SLCO6A1: variants seen among roughly 807,000 people sequenced by gnomAD.
SLCO6A1 encodes solute carrier organic anion transporter family member 6A1.
Under a neutral mutation model 72.7 loss-of-function variants are expected in SLCO6A1, and 65 were observed. The observed-to-expected ratio is 0.89, with a 90% CI of 0.73 to 1.10. The LOEUF (loss-of-function observed/expected upper bound fraction) is 1.10, where lower values mean the gene tolerates loss of function less well. SLCO6A1 is among the 50% of genes least tolerant of loss of function. The pLI, the probability that SLCO6A1 is intolerant of heterozygous loss-of-function variation, is 0.00. For missense variants in SLCO6A1, 874 were observed against 872.6 expected, an observed-to-expected ratio of 1.00 and a Z score of -0.02; for synonymous variants, 314 against 298.2, an observed-to-expected ratio of 1.05 and a Z score of -0.55.
chr5:102,440,366 A>G (rs1749768662), intron 6 of SLCO6A1, among the ~76,000 whole-genome samples: 1 of 152,126 alleles, frequency 6.6e-6, no homozygotes, highest in Admixed American at 6.5e-5. Flanking sequence ...CACAAACCCT[A>G]TTGTGAACTG....
rs754657640 is a variant in SLCO6A1 at position 102,412,965 on chromosome 5, CATA to C, written c.1626+22_1626+24del. 7 of 1,067,330 alleles carry C rather than the reference CATA, an allele frequency of 6.6e-6. No homozygotes were observed. The African/African-American group carries it at 8.4e-5, about 13-fold the overall frequency. The allele number at this position is 1,067,330 out of a possible 1,614,324, so 66.1% of individuals were successfully genotyped here. A position where few individuals can be genotyped will look rare whatever the true frequency, so the allele number is the denominator to read the frequency against. Reference sequence around the variant, plus strand: ...ATGAAAATATAAATGTATAACAAAACATAATAATTATAAAAAATAATTACCTTT... The same window carrying C: ...ATGAAAATATAAATGTATAACAAAACATAATTATAAAAAATAATTACCTTT... On this transcript the variant is annotated intron_variant, in intron 9 of 13. Transcript: ENST00000506729.
At chr5:102,469,766 G>A (rs1257153887) in intron 4 of SLCO6A1, among the ~76,000 whole-genome samples, 1 of 152,060 alleles carries the variant, frequency 6.6e-6, no homozygotes, top group Admixed American at 6.6e-5. Flanking sequence ...TCCAGTTTTT[G>A]CCCATTCAGT....
intron 9 of SLCO6A1, among the ~76,000 whole-genome samples, chr5:102,400,883 T>C (rs1297535829): frequency 1.3e-5 from 2 of 152,008 alleles, no homozygotes; most frequent in Admixed American, 6.6e-5. Flanking sequence ...AGTGCCTATA[T>C]GCCAATCATC....
At chr5:102,492,545 A>G (rs1249151743) in intron 1 of SLCO6A1, among the ~76,000 whole-genome samples, 2 of 151,992 alleles carry the variant, frequency 1.3e-5, no homozygotes, top group Admixed American at 6.6e-5. Flanking sequence ...TTGGGACAGG[A>G]CAGTGGGTGC....
chr5:102,462,570 A>G (rs1751093662), intron 4 of SLCO6A1, among the ~76,000 whole-genome samples: 1 of 152,232 alleles, frequency 6.6e-6, no homozygotes, highest in South Asian at 2.1e-4. Context: ...TAGATAACCC[A>G]TAAATAAAGC....
rs1307265285 is a variant in SLCO6A1 at position 102,498,549 on chromosome 5, C to G, written c.296G>C (p.Cys99Ser). 1 of 1,614,134 alleles carries G rather than the reference C, an allele frequency of 6.2e-7. No individual in the cohort carries two copies. Among genetic ancestry groups the G allele is most frequent in the African/African-American group, 1.3e-5 (1 of 74,954 alleles). ...GCAGCGAATGTTATTGCAACACTCA[C>G]AGCAGGTGCTGACTAAGCAGCCCAA... is the stretch of plus-strand genomic sequence containing the variant. ...CGLGCLVSTC[C>S]ECCNNIRCFM... The change falls in exon 1 of 14, where the codon TGT (cysteine) becomes TCT (serine). Residue 99 changes from cysteine to serine, a missense_variant. Transcript: ENST00000506729.
intron 6 of SLCO6A1, among the ~76,000 whole-genome samples, chr5:102,458,001 A>C (rs1278887080): frequency 6.6e-6 from 1 of 152,164 alleles, no homozygotes; most frequent in African/African-American, 2.4e-5. Flanking sequence ...TATTGCAAGA[A>C]CAAAAAACCA....
At chr5:102,480,473 A>G (rs1484537143) in intron 1 of SLCO6A1, 39 bp from the exon 2 acceptor site, 1 of 1,567,354 alleles carries the variant, frequency 6.4e-7, no homozygotes, top group Non-Finnish European at 8.6e-7. Flanking sequence ...AACGATATGC[A>G]TTTTAAGAGG....
chr5:102,434,020 T>G (rs1006897159), intron 7 of SLCO6A1, among the ~76,000 whole-genome samples: 1 of 151,990 alleles, frequency 6.6e-6, no homozygotes, highest in Admixed American at 6.6e-5. Flanking sequence ...ATTTAAGGAG[T>G]GCCTCTTGTT....
intron 1 of SLCO6A1, among the ~76,000 whole-genome samples, chr5:102,484,701 C>T (rs1389660520): frequency 3.3e-5 from 5 of 151,854 alleles, no homozygotes; most frequent in Admixed American, 3.3e-4. Context: ...ACTTTTATTA[C>T]ATTGGTGAAG....
intron 10 of SLCO6A1, among the ~76,000 whole-genome samples, chr5:102,392,165 G>A (rs1399988891): frequency 4.0e-5 from 6 of 151,682 alleles, no homozygotes; most frequent in East Asian, 3.9e-4. Context: ...GTAATATTTT[G>A]CAAAAAGTGA....
intron 10 of SLCO6A1, among the ~76,000 whole-genome samples, chr5:102,395,166 A>G (rs1746996220): frequency 6.6e-6 from 1 of 152,026 alleles, no homozygotes; most frequent in Admixed American, 6.6e-5. Context: ...CATTAGGTAT[A>G]TCTCCTAATG....
intron 6 of SLCO6A1, among the ~76,000 whole-genome samples, chr5:102,444,018 A>G (rs541127476): frequency 6.6e-6 from 1 of 152,272 alleles, no homozygotes; most frequent in African/African-American, 2.4e-5. Context: ...TTTCCACACG[A>G]GAAGGGGTTC....
intron 13 of SLCO6A1, 126 bp from the exon 14 acceptor site, chr5:102,372,249 A>G (rs1184026678): frequency 6.6e-6 from 1 of 152,052 alleles, no homozygotes; most frequent in Non-Finnish European, 1.5e-5. Flanking sequence ...GTAGTAAGAT[A>G]TGAATATTCC....
rs1343033725 is a variant in SLCO6A1, at chr5:102,371,830, A to C, written c.*309T>G. 1.3e-5 allele frequency: 2 copies of C among 151,932 alleles called. No homozygotes were observed. Among genetic ancestry groups the C allele is most frequent in the African/African-American group, 2.4e-5 (1 of 41,414 alleles). The allele number at this position is 151,932 out of a possible 1,614,324, so 9.4% of individuals were successfully genotyped here. A position where few individuals can be genotyped will look rare whatever the true frequency, so the allele number is the denominator to read the frequency against. Reference sequence around the variant, plus strand: ...TTTATTTCCTAGTTGTATAATTTTTAATATTTCTAGACAGCAGAATATTAA... The same window carrying C: ...TTTATTTCCTAGTTGTATAATTTTTCATATTTCTAGACAGCAGAATATTAA... On this transcript the variant is annotated 3_prime_UTR_variant, in exon 14 of 14. Coordinates refer to ENST00000506729, the MANE Select transcript of SLCO6A1 (RefSeq NM_173488.5).
intron 6 of SLCO6A1, among the ~76,000 whole-genome samples, chr5:102,453,085 T>C (rs951188338): frequency 1.3e-5 from 2 of 152,202 alleles, no homozygotes; most frequent in South Asian, 4.1e-4. Context: ...AAACTTTGGT[T>C]ATGTAGTCCC....
At chr5:102,443,903 G>C (rs968535363) in intron 6 of SLCO6A1, among the ~76,000 whole-genome samples, 2 of 152,154 alleles carry the variant, frequency 1.3e-5, no homozygotes, top group African/African-American at 4.8e-5. Flanking sequence ...AATCAGAATA[G>C]TGCTATACAG....
chr5:102,434,959 T>C lies in SLCO6A1; in HGVS notation c.1276+3658A>G, dbSNP rs531639934. ...ACCAGGTGAATTATCAGAATTTTAG[T>C]TCATTTTCTTGGGACATGATAAAGT... On this transcript the variant is annotated intron_variant, in intron 7 of 13. Coordinates refer to ENST00000506729, the MANE Select transcript of SLCO6A1 (RefSeq NM_173488.5). 3.9e-5 allele frequency among the ~76,000 whole-genome samples: 6 copies of C among 152,322 alleles called. No homozygotes were observed. The East Asian group carries it at 9.6e-4, about 24-fold the overall frequency.
At chr5:102,464,044 G>A (rs948646434) in intron 4 of SLCO6A1, among the ~76,000 whole-genome samples, 2 of 152,056 alleles carry the variant, frequency 1.3e-5, no homozygotes, top group African/African-American at 4.8e-5. Context: ...TTGCAGGGAA[G>A]GGTAGGATGG....
Sources: allele counts gnomAD v4.1 joint callset (sites outside exome capture counted in the v4.1 genomes callset), GRCh38; gene constraint gnomAD v4.1.1; transcripts MANE v1.5; gene names NCBI Gene and HGNC (gene_info 2026-07-23, HGNC 2026-07-21).